The following NMD3 variants were observed in gnomAD, a reference collection of about 807,000 sequenced individuals.
The protein encoded by NMD3 is 60S ribosomal export protein NMD3.
NMD3 carries 47 observed loss-of-function variants against 73.1 expected under a neutral mutation model. The ratio of observed to expected loss-of-function variants is 0.64; its 90% CI spans 0.51 to 0.82. NMD3 has a LOEUF of 0.82. Among genes scored for constraint, NMD3 ranks in the 40% least tolerant of loss-of-function variants. The probability of loss-of-function intolerance (pLI) is 0.00; values close to 1 mark genes in which losing one functional copy is unlikely to be tolerated. For missense variants in NMD3, 554 were observed against 612.5 expected, an observed-to-expected ratio of 0.90 and a Z score of 1.01; for synonymous variants, 210 against 194.5, an observed-to-expected ratio of 1.08 and a Z score of -0.66.
rs1032443906 is a variant in NMD3 at position 161,234,719 on chromosome 3, T to C, written c.358-8T>C. 1.2e-6 allele frequency: 2 copies of C among 1,601,026 alleles called. No individual in the cohort carries two copies. Among genetic ancestry groups the C allele is most frequent in the Non-Finnish European group, 1.7e-6 (2 of 1,172,966 alleles). On this transcript the variant is annotated splice_polypyrimidine_tract_variant and splice_region_variant and intron_variant, in intron 5 of 15. Transcript: ENST00000351193. Reference sequence around the variant, plus strand: ...CAAAAGAATGAAGGAGTGTAATTGTTTTATCAGGTGATGAATGGTGCTATC... The same window carrying C: ...CAAAAGAATGAAGGAGTGTAATTGTCTTATCAGGTGATGAATGGTGCTATC...
In NMD3 at chr3:161,247,310, T is replaced by C; in HGVS notation, c.1183T>C (p.Ser395Pro). ...LNDEHVNKMN[S>P]DRVPDVVLIK... ...TGATGAGCATGTCAACAAAATGAAC[T>C]CAGATAGAGTTCCAGATGTGGTAAG... The change falls in exon 13 of 16, where the codon TCA becomes CCA. Residue 395 changes from serine (S) to proline (P), a missense_variant. Transcript: ENST00000351193. 1 of 1,609,840 alleles carries C rather than the reference T, an allele frequency of 6.2e-7. No homozygotes were observed. The highest frequency in any genetic ancestry group is 8.5e-7 in the Non-Finnish European group (1 of 1,176,412).
intron 7 of NMD3, among the ~76,000 whole-genome samples, chr3:161,236,653 A>G (rs1736767356): frequency 6.6e-6 from 1 of 152,160 alleles, no homozygotes; most frequent in Non-Finnish European, 1.5e-5. Context: ...AATCAAGGTC[A>G]CAAAGATTTT....
intron 13 of NMD3, 144 bp downstream of exon 13, chr3:161,247,474 A>AC: frequency 2.8e-6 from 1 of 351,216 alleles, no homozygotes; most frequent in Non-Finnish European, 5.1e-6. Flanking sequence ...TAATAGCAAA[A>AC]TTTTTTTTTT....
At chr3:161,243,783 TTATTA>T (rs1474726312) in intron 11 of NMD3, among the ~76,000 whole-genome samples, 6 of 152,194 alleles carry the variant, frequency 3.9e-5, no homozygotes, top group Admixed American at 1.3e-4. Flanking sequence ...CATGTACTTT[TTATTA>T]TATCAAGAGA....
chr3:161,241,696 A>C (rs1365098977), intron 10 of NMD3, among the ~76,000 whole-genome samples: 1 of 152,042 alleles, frequency 6.6e-6, no homozygotes, highest in East Asian at 1.9e-4. Flanking sequence ...TGGGATTACA[A>C]GCGTGAGCCA....
In NMD3 at chr3:161,224,985, G is replaced by C. The variant is rs145417442; in HGVS notation, c.100G>C (p.Ala34Pro). 6.2e-7 allele frequency: 1 copy of C among 1,613,756 alleles called. No homozygotes were observed. Among genetic ancestry groups the C allele is most frequent in the Non-Finnish European group, 8.5e-7 (1 of 1,179,874 alleles). Residue 34 changes from alanine to proline, a missense_variant, in exon 3 of 16, where the codon GCC becomes CCC. By Grantham distance (27) the Ala-to-Pro change is conservative. Transcript: ENST00000351193. ...ISPNPANICV[A>P]CLRSKVDISQ... Reference sequence around the variant, plus strand: ...TCCAAATCCTGCCAATATTTGTGTGGCCTGTTTGCGAAGTAAAGTGGACAT... The same window carrying C: ...TCCAAATCCTGCCAATATTTGTGTGCCCTGTTTGCGAAGTAAAGTGGACAT...
chr3:161,232,990 C>T (rs960016739), intron 4 of NMD3, among the ~76,000 whole-genome samples: 2 of 152,064 alleles, frequency 1.3e-5, no homozygotes, highest in South Asian at 2.1e-4. Context: ...TAAAAAAAGT[C>T]ACAGAATATA....
intron 3 of NMD3, among the ~76,000 whole-genome samples, chr3:161,226,959 A>G (rs900247850): frequency 1.3e-5 from 2 of 152,190 alleles, no homozygotes; most frequent in Non-Finnish European, 2.9e-5. Context: ...CATAGCTTTA[A>G]GAGACTCTTG....
intron 13 of NMD3, among the ~76,000 whole-genome samples, chr3:161,248,322 T>G (rs1402009160): frequency 6.6e-6 from 1 of 151,832 alleles, no homozygotes; most frequent in African/African-American, 2.4e-5. Flanking sequence ...AAACCCCATC[T>G]TTACTAAAAT....
rs893828943 is a variant in NMD3 at position 161,252,112 on chromosome 3, T to G, written c.*1202T>G. The G allele has an allele frequency of 6.6e-6, 1 of 152,204 alleles. No individual in the cohort carries two copies. The highest frequency in any genetic ancestry group is 2.4e-5 in the African/African-American group (1 of 41,452). The allele number at this position is 152,204 out of a possible 1,614,324, so 9.4% of individuals were successfully genotyped here. On this transcript the variant is annotated 3_prime_UTR_variant, in exon 16 of 16. Coordinates refer to ENST00000351193, the MANE Select transcript of NMD3 (RefSeq NM_015938.5). The stretch of plus-strand genomic sequence containing the variant: ...TAGTGGCTTCTTTTCTGTCTGCATA[T>G]TTTGTTAAAATTGTGGATCTAAAAG...
chr3:161,246,493 TTTTC>T, intron 12 of NMD3, 45 bp downstream of exon 12: 1 of 833,636 alleles, frequency 1.2e-6, no homozygotes, highest in Non-Finnish European at 1.9e-6. Flanking sequence ...GGATTGCAAA[TTTTC>T]TTTGGGAACC....
downstream of NMD3, chr3:161,252,862 G>A (rs1344610745): frequency 7.3e-6 from 5 of 686,632 alleles, no homozygotes; most frequent in Non-Finnish European, 1.3e-5. Context: ...ACTTTGGGAG[G>A]CTGAGGAGGG....
chr3:161,239,677 T>G (rs1560071206), intron 9 of NMD3, among the ~76,000 whole-genome samples: 1 of 152,228 alleles, frequency 6.6e-6, no homozygotes, highest in East Asian at 1.9e-4. Flanking sequence ...CACCCAGGTC[T>G]GTGTCTCCAA....
Position 161,234,782 on chromosome 3 carries a change from C to A in NMD3, c.413C>A (p.Ser138Tyr). Residue 138 changes from serine to tyrosine, a missense_variant, in exon 6 of 16, where the codon TCC becomes TAC. By Grantham distance (144) the Ser-to-Tyr change is moderately radical. Coordinates refer to ENST00000351193, the MANE Select transcript of NMD3 (RefSeq NM_015938.5). ...TTTGTGGTGGATTATGTTGTTCAGT[C>A]CCAAATGTGTGGAGATTGCCATAGA... ...QVFVVDYVVQ[S>Y]QMCGDCHRVE... 6.2e-7 allele frequency: 1 copy of A among 1,613,084 alleles called. No individual in the cohort carries two copies. Among genetic ancestry groups the A allele is most frequent in the South Asian group, 1.1e-5 (1 of 91,042 alleles).
chr3:161,239,320 A>G (rs1736883315), intron 9 of NMD3, among the ~76,000 whole-genome samples: 1 of 152,214 alleles, frequency 6.6e-6, no homozygotes, highest in African/African-American at 2.4e-5. Context: ...ATTTCATTTA[A>G]TTGTACTAAG....
chr3:161,234,997 A>G, intron 6 of NMD3, 125 bp from the exon 7 acceptor site: 1 of 949,154 alleles, frequency 1.1e-6, no homozygotes, highest in Non-Finnish European at 1.6e-6. Context: ...TACATTTTAG[A>G]TAATCTTTAA....
At chr3:161,250,059 T>C (rs1737417277) in intron 14 of NMD3, among the ~76,000 whole-genome samples, 197 bp from the exon 15 acceptor site, 1 of 152,112 alleles carries the variant, frequency 6.6e-6, no homozygotes. Flanking sequence ...AAACAGTTTA[T>C]TGGATGATTC....
rs768281274 is a variant in NMD3, at chr3:161,246,432, G to A, written c.1114G>A (p.Gly372Arg). ...RTHLGHLLNP[G>R]DLVLGFDLAN... ...TCATTTGGGACATCTTCTAAATCCC[G>A]GAGACCTGGTGTTAGGGTTTGTATT... is the stretch of plus-strand genomic sequence containing the variant. The change falls in exon 12 of 16, where the codon GGA (glycine) becomes AGA (arginine). Residue 372 changes from glycine to arginine, a missense_variant. Coordinates refer to ENST00000351193, the MANE Select transcript of NMD3 (RefSeq NM_015938.5). 4.1e-6 allele frequency: 6 copies of A among 1,473,048 alleles called. No individual in the cohort carries two copies. The highest frequency in any genetic ancestry group is 4.7e-6 in the Non-Finnish European group (5 of 1,072,460). The allele number at this position is 1,473,048 out of a possible 1,614,324, so 91.2% of individuals were successfully genotyped here.
intron 8 of NMD3, 54 bp from the exon 9 acceptor site, chr3:161,238,676 C>T: frequency 1.2e-6 from 1 of 849,656 alleles, no homozygotes; most frequent in Admixed American, 1.9e-5. Flanking sequence ...TTCCTGAGTC[C>T]ATACAGGTTA....
Sources: allele counts gnomAD v4.1 joint callset (sites outside exome capture counted in the v4.1 genomes callset), GRCh38; gene constraint gnomAD v4.1.1; transcripts MANE v1.5; gene names NCBI Gene and HGNC (gene_info 2026-07-23, HGNC 2026-07-21).